The following VTA1 variants were observed in gnomAD, a reference collection of about 807,000 sequenced individuals.
The protein encoded by VTA1 is vacuolar protein sorting-associated protein VTA1 homolog.
VTA1 carries 24 observed loss-of-function variants against 36.9 expected under a neutral mutation model. That is an observed-to-expected ratio of 0.65 (90% CI 0.47 to 0.91). The LOEUF is 0.91. VTA1 is among the 40% of genes least tolerant of loss of function. The pLI is 0.00. For synonymous variants in VTA1, 142 were observed against 130.2 expected, an observed-to-expected ratio of 1.09 and a Z score of -0.62; for missense variants, 393 against 377.2, an observed-to-expected ratio of 1.04 and a Z score of -0.35.
At chr6:142,166,126 T>C (rs225655) in intron 1 of VTA1, 102 bp from the exon 2 acceptor site, 301,526 of 722,782 alleles carry the variant, frequency 0.42, 67,470 homozygotes, top group Middle Eastern at 0.56. Flanking sequence ...TTTCTAAATT[T>C]ACTTGAATTT....
chr6:142,203,349 C>G (rs1357146378), intron 6 of VTA1, among the ~76,000 whole-genome samples: 2 of 151,994 alleles, frequency 1.3e-5, no homozygotes, highest in East Asian at 3.8e-4. Context: ...TATTTTCCTG[C>G]TGATTGAATC....
At chr6:142,213,122 T>G (rs1190227567) in intron 7 of VTA1, among the ~76,000 whole-genome samples, 1 of 152,124 alleles carries the variant, frequency 6.6e-6, no homozygotes, top group African/African-American at 2.4e-5. Flanking sequence ...AAAAACAAGT[T>G]AGTTACTTCT....
intron 7 of VTA1, among the ~76,000 whole-genome samples, chr6:142,217,631 C>T (rs1188367358): frequency 6.6e-6 from 1 of 151,776 alleles, no homozygotes; most frequent in East Asian, 1.9e-4. Context: ...ATTCTAAGTA[C>T]AGCCTTGTAC....
chr6:142,151,817 C>T (rs1029443324), intron 1 of VTA1, among the ~76,000 whole-genome samples: 19 of 152,060 alleles, frequency 1.2e-4, no homozygotes, highest in African/African-American at 4.4e-4. Context: ...GCAGATCACC[C>T]GAGGTCAGGA....
At chr6:142,203,451 C>CATT (rs1256437744) in intron 6 of VTA1, among the ~76,000 whole-genome samples, 1 of 151,880 alleles carries the variant, frequency 6.6e-6, no homozygotes, top group African/African-American at 2.4e-5. Context: ...TATTCCTTAC[C>CATT]ATTAATCAAG....
rs186149136 is a variant in VTA1, at chr6:142,170,662, T to G, written c.411+241T>G. On this transcript the variant is annotated intron_variant, in intron 4 of 7. Transcript: ENST00000367630. The stretch of plus-strand genomic sequence containing the variant: ...TGTATTTGTTTTTTGAGACAGGATA[T>G]TGCTCTGTTGCCCAGGCTGGAGTGC... 1.2e-4 allele frequency among the ~76,000 whole-genome samples: 19 copies of G among 152,366 alleles called. No homozygotes were observed. The East Asian group carries it at 3.5e-3, about 28-fold the overall frequency.
intron 4 of VTA1, among the ~76,000 whole-genome samples, chr6:142,177,626 TA>T (rs372227466): frequency 0.013 from 1,916 of 150,842 alleles, 18 homozygotes; most frequent in African/African-American, 0.019. Flanking sequence ...AGGGTTACGT[TA>T]AAAAAAAATA....
At chr6:142,201,242 A>G (rs191714485) in intron 6 of VTA1, among the ~76,000 whole-genome samples, 1 of 151,902 alleles carries the variant, frequency 6.6e-6, no homozygotes, top group African/African-American at 2.4e-5. Flanking sequence ...AAACAAAATA[A>G]CATTTTTAAT....
intron 7 of VTA1, among the ~76,000 whole-genome samples, chr6:142,207,274 C>T (rs1262523294): frequency 6.6e-6 from 1 of 152,148 alleles, no homozygotes; most frequent in African/African-American, 2.4e-5. Context: ...CAACCATCTT[C>T]CCCACCTCCT....
chr6:142,192,422 G>A (rs1305697307), intron 5 of VTA1, among the ~76,000 whole-genome samples: 6 of 152,020 alleles, frequency 3.9e-5, no homozygotes, highest in Admixed American at 3.9e-4. Context: ...ACCATCGTAT[G>A]TTGATGAGCA....
Position 142,204,002 on chromosome 6 carries a change from A to C in VTA1, c.715A>C (p.Ile239Leu). The change falls in exon 7 of 8, where the codon ATC becomes CTC. Residue 239 changes from isoleucine (I) to leucine (L), a missense_variant. Physicochemically the swap from Ile to Leu is conservative, Grantham distance 5 (BLOSUM62 2). Transcript: ENST00000367630. ...PHSTGVASNTIQPTPQTIPAI... is the reference protein window; with the variant it reads ...PHSTGVASNTLQPTPQTIPAI... ...ATTTGCAGGTGTAGCAAGTAATACT[A>C]TCCAACCTACTCCACAGACTATACC... is the stretch of plus-strand genomic sequence containing the variant. The C allele has an allele frequency of 6.2e-7, 1 of 1,613,478 alleles. No homozygotes were observed. Among genetic ancestry groups the C allele is most frequent in the Non-Finnish European group, 8.5e-7 (1 of 1,179,604 alleles).
chr6:142,151,750 T>C (rs1475655441), intron 1 of VTA1, among the ~76,000 whole-genome samples: 1 of 152,226 alleles, frequency 6.6e-6, no homozygotes, highest in Non-Finnish European at 1.5e-5. Flanking sequence ...TTAAAACAGC[T>C]TGGCCGAGCA....
intron 4 of VTA1, among the ~76,000 whole-genome samples, chr6:142,181,100 T>TATATAC (rs1318043828): frequency 3.1e-5 from 3 of 98,168 alleles, no homozygotes; most frequent in African/African-American, 1.1e-4. Flanking sequence ...AAAAAATATA[T>TATATAC]ATATATATAT....
Position 142,223,918 on chromosome 6 carries a change from T to G in VTA1, c.*5275T>G, listed in dbSNP as rs1670250903. On this transcript the variant is annotated 3_prime_UTR_variant, in exon 8 of 8. Transcript: ENST00000367630. ...GGGCAATTCAGGTAACTCGAGTAAT[T>G]TAGTGTTACTATGCATATGGCCTAT... 1.3e-5 allele frequency: 2 copies of G among 151,990 alleles called. No individual in the cohort carries two copies. Among genetic ancestry groups the G allele is most frequent in the African/African-American group, 4.8e-5 (2 of 41,398 alleles). 9.4% of individuals were successfully genotyped at this position (151,990 alleles called of 1,614,324 possible).
Position 142,169,626 on chromosome 6 carries a change from T to C in VTA1, c.284T>C (p.Leu95Ser). 1 of 1,610,136 alleles carries C rather than the reference T, an allele frequency of 6.2e-7. No homozygotes were observed. The highest frequency in any genetic ancestry group is 8.5e-7 in the Non-Finnish European group (1 of 1,179,044). The change falls in exon 3 of 8, where the codon TTG becomes TCG. Residue 95 changes from leucine (L) to serine (S), a missense_variant. Leu to Ser is a moderately radical substitution (Grantham distance 145, BLOSUM62 -2). Transcript: ENST00000367630. ...TGTGCCCATTTGGAGAATTATGCTTTGAAAATGTTTTTGTATGCAGACAAT... is the reference window on the plus strand; with the variant it reads ...TGTGCCCATTTGGAGAATTATGCTTCGAAAATGTTTTTGTATGCAGACAAT... ...VGCAHLENYALKMFLYADNED... is the reference protein window; with the variant it reads ...VGCAHLENYASKMFLYADNED...
intron 1 of VTA1, among the ~76,000 whole-genome samples, chr6:142,153,599 G>A (rs1444097180): frequency 2.0e-5 from 3 of 151,798 alleles, no homozygotes; most frequent in South Asian, 2.1e-4. Flanking sequence ...CCTACATTTC[G>A]AAGTTGGTTG....
chr6:142,159,770 C>A (rs1487203133), intron 1 of VTA1, among the ~76,000 whole-genome samples: 3 of 151,970 alleles, frequency 2.0e-5, no homozygotes, highest in Non-Finnish European at 2.9e-5. Flanking sequence ...ACCTCGGCCT[C>A]CCAAAGTGCT....
intron 4 of VTA1, among the ~76,000 whole-genome samples, chr6:142,182,065 G>C (rs192985163): frequency 1.3e-4 from 20 of 152,304 alleles, no homozygotes; most frequent in Admixed American, 1.0e-3. Context: ...GGGACTAAGA[G>C]TATAAATGTA....
intron 4 of VTA1, among the ~76,000 whole-genome samples, chr6:142,176,933 G>A (rs1260452150): frequency 6.6e-6 from 1 of 152,294 alleles, no homozygotes; most frequent in East Asian, 1.9e-4. Context: ...ATAGCTGGCT[G>A]TGAGAAGGTG....
Sources: allele counts gnomAD v4.1 joint callset (sites outside exome capture counted in the v4.1 genomes callset), GRCh38; gene constraint gnomAD v4.1.1; transcripts MANE v1.5; gene names NCBI Gene and HGNC (gene_info 2026-07-23, HGNC 2026-07-21).